The following CLK2 variants were observed in gnomAD, a reference collection of about 807,000 sequenced individuals.
CLK2 encodes the protein dual specificity protein kinase CLK2.
Under a neutral mutation model 73.5 loss-of-function variants are expected in CLK2, and 12 were observed. The ratio of observed to expected loss-of-function variants is 0.16; its 90% CI spans 0.10 to 0.26. The LOEUF is 0.26. CLK2 is among the 10% of genes least tolerant of loss of function. The pLI is 1.00. For missense variants in CLK2, 509 were observed against 688.4 expected (o/e 0.74, Z 2.92); for synonymous variants, 232 against 237.9 (o/e 0.98, Z 0.23).
At chr1:155,267,924 C>G in intron 6 of CLK2, 86 bp downstream of exon 6, 1 of 877,456 alleles carries the variant, frequency 1.1e-6, no homozygotes, top group East Asian at 2.4e-5. Flanking sequence ...CTAGGACTCC[C>G]CTGTCTGCCT....
intron 7 of CLK2, among the ~76,000 whole-genome samples, chr1:155,266,371 C>A (rs1673233168): frequency 6.6e-6 from 1 of 152,182 alleles, no homozygotes; most frequent in Non-Finnish European, 1.5e-5. Context: ...AACATCTCAT[C>A]CCAGACAAAT....
In CLK2 at chr1:155,268,271, G is replaced by T; in HGVS notation, c.554+22C>A. 1 of 1,612,270 alleles carries T rather than the reference G, an allele frequency of 6.2e-7. No individual in the cohort carries two copies. The highest frequency in any genetic ancestry group is 8.5e-7 in the Non-Finnish European group (1 of 1,178,272). On this transcript the variant is annotated intron_variant, in intron 5 of 12. Transcript: ENST00000368361. The surrounding 1 kb of genome is among the most constrained non-coding windows in gnomAD (Gnocchi z 5.6). ...CCAACCATCTCTTTAGCCCCACATA[G>T]TAGGGAGGGACTGACAGTTACCTGC...
intron 1 of CLK2, among the ~76,000 whole-genome samples, chr1:155,272,305 C>T (rs147554191): frequency 0.018 from 2,812 of 152,288 alleles, 77 homozygotes; most frequent in African/African-American, 0.065. Flanking sequence ...TGTGAGCCAC[C>T]GCGCCTGGCC....
chr1:155,270,909 C>G lies in CLK2; in HGVS notation c.69G>C (p.Arg23=), dbSNP rs1673468563. The change falls in exon 2 of 13, where the codon CGG becomes CGC. Residue 23 remains arginine (R), a synonymous_variant. Coordinates refer to ENST00000368361, the MANE Select transcript of CLK2 (RefSeq NM_001294338.2). The part of the protein sequence containing the change: ...GSRGSYREHY[R]SRKHKRRRSR... ...TTCTTCGTCGCTTATGCTTTCGGCT[C>G]CGATAGTGTTCACGGTAACTCCCCC... 1.2e-6 allele frequency: 2 copies of G among 1,614,060 alleles called. No individual in the cohort carries two copies. The highest frequency in any genetic ancestry group is 1.7e-5 in the Admixed American group (1 of 60,002).
At position 155,269,605 on chromosome 1, in the gene CLK2, G is replaced by A. The variant is rs1420256072; in HGVS notation, c.282C>T (p.Asp94=). ...GCTGATATTCATAGGAATGCCGATAGTCTGTGTCATAGTAGGCATCTCCCC... is the reference window on the plus strand; with the variant it reads ...GCTGATATTCATAGGAATGCCGATAATCTGTGTCATAGTAGGCATCTCCCC... The part of the protein sequence containing the change: ...RDRGDAYYDT[D]YRHSYEYQRE... The change falls in exon 3 of 13, where the codon GAC becomes GAT. Residue 94 remains aspartate (D), a synonymous_variant. Transcript: ENST00000368361. 3 of 1,614,252 alleles carry A rather than the reference G, an allele frequency of 1.9e-6. No homozygotes were observed. Among genetic ancestry groups the A allele is most frequent in the African/African-American group, 2.7e-5 (2 of 75,062 alleles).
intron 7 of CLK2, among the ~76,000 whole-genome samples, chr1:155,266,282 G>T (rs1424290888): frequency 6.6e-6 from 1 of 152,186 alleles, no homozygotes; most frequent in Non-Finnish European, 1.5e-5. Flanking sequence ...CCAGAGGAAT[G>T]ATATATTTCT....
chr1:155,270,831 G>A lies in CLK2; in HGVS notation c.147C>T (p.Asp49=). The A allele has an allele frequency of 6.2e-7, 1 of 1,611,710 alleles. No individual in the cohort carries two copies. Among genetic ancestry groups the A allele is most frequent in the Non-Finnish European group, 8.5e-7 (1 of 1,177,930 alleles). ...ACCTTCGAGAACGGACATGGTAGCT[G>A]TCCTCTCGCCGACGCCGTCGTGTCC... ...SDRTRRRRRE[D]SYHVRSRSSY... Residue 49 remains aspartate (D), a synonymous_variant, in exon 2 of 13, where the codon GAC becomes GAT. Transcript: ENST00000368361.
At position 155,266,895 on chromosome 1, in the gene CLK2, G is replaced by C. The variant is rs1344067937; in HGVS notation, c.672C>G (p.Asn224Lys). 5 of 1,612,608 alleles carry C rather than the reference G, an allele frequency of 3.1e-6. No individual in the cohort carries two copies. Among genetic ancestry groups the C allele is most frequent in the African/African-American group, 1.3e-5 (1 of 74,900 alleles). ...KINEKDPDNK[N>K]LCVQMFDWFD... ...ACCAGTCAAACATCTGGACACAGAGGCTGAGAAGAGAGATGGGGGAAGGGG... is the reference window on the plus strand; with the variant it reads ...ACCAGTCAAACATCTGGACACAGAGCCTGAGAAGAGAGATGGGGGAAGGGG... Residue 224 changes from asparagine (N) to lysine (K), a missense_variant and splice_region_variant, in exon 7 of 13, where the codon AAC (asparagine) becomes AAG (lysine). Coordinates refer to ENST00000368361, the MANE Select transcript of CLK2 (RefSeq NM_001294338.2).
At position 155,264,018 on chromosome 1, in the gene CLK2, C is replaced by T; in HGVS notation, c.1249G>A (p.Gly417Ser). ...KTRKQKYFYR[G>S]RLDWDENTSA... ...GTGTTCTCATCCCAATCCAGGCGAC[C>T]CCGGTAAAAATATTTCTGCTTTCTA... The change falls in exon 12 of 13, where the codon GGT becomes AGT. Residue 417 changes from glycine to serine, a missense_variant. Physicochemically the swap from Gly to Ser is moderately conservative, Grantham distance 56 (BLOSUM62 0). This residue lies in a region of CLK2 where 134 missense variants were observed against 146.0 expected (regional missense o/e 0.92). Coordinates refer to ENST00000368361, the MANE Select transcript of CLK2 (RefSeq NM_001294338.2). The T allele has an allele frequency of 5.6e-6, 9 of 1,613,992 alleles. No individual in the cohort carries two copies. The highest frequency in any genetic ancestry group is 1.1e-5 in the South Asian group (1 of 91,068).
rs763277877 is a variant in CLK2, at chr1:155,266,774, G to A, written c.793C>T (p.His265Tyr). Residue 265 changes from histidine (H) to tyrosine (Y), a missense_variant, in exon 7 of 13, where the codon CAC (histidine) becomes TAC (tyrosine). By Grantham distance (83) the His-to-Tyr change is moderately conservative (BLOSUM62 2). Coordinates refer to ENST00000368361, the MANE Select transcript of CLK2 (RefSeq NM_001294338.2). ...TGGAAGGCCATGTGGCGCACTTGGT[G>A]GATGGGGTAGGGCAGGTAGTTGTTG... The part of the protein sequence containing the change: ...KDNNYLPYPI[H>Y]QVRHMAFQLC... The A allele has an allele frequency of 3.1e-6, 5 of 1,613,548 alleles. No homozygotes were observed. Among genetic ancestry groups the A allele is most frequent in the Non-Finnish European group, 4.2e-6 (5 of 1,179,796 alleles).
At chr1:155,265,605 A>ATAAATAAATAAG (rs1553224450) in intron 8 of CLK2, among the ~76,000 whole-genome samples, 5 of 151,916 alleles carry the variant, frequency 3.3e-5, no homozygotes, top group African/African-American at 1.2e-4. Flanking sequence ...AAATAAATAA[A>ATAAATAAATAAG]GTCCAAACCA....
At chr1:155,264,086 A>G (rs1161093860) in intron 11 of CLK2, 46 bp from the exon 12 acceptor site, 2 of 1,576,770 alleles carry the variant, frequency 1.3e-6, no homozygotes, top group Admixed American at 1.7e-5. Flanking sequence ...CACCCTTGTT[A>G]CAATTCCCTT....
At chr1:155,271,116 T>C in intron 1 of CLK2, 139 bp from the exon 2 acceptor site, 1 of 841,120 alleles carries the variant, frequency 1.2e-6, no homozygotes, top group Non-Finnish European at 1.9e-6. Context: ...TTCCTCAGTC[T>C]TCCTCTGTAC....
At chr1:155,263,786 C>T (rs1360550885) in intron 12 of CLK2, 164 bp downstream of exon 12, 2 of 918,886 alleles carry the variant, frequency 2.2e-6, no homozygotes, top group Non-Finnish European at 2.6e-6. Flanking sequence ...TCCACAAAAC[C>T]ACTCCCTCTT....
chr1:155,268,427 GA>G lies in CLK2; in HGVS notation c.488-69del. ...AGGTGGGGAATGAGCTGAGTTGGAA[GA>G]AAAAAGGGGACAGCAACCTGGGGTG... On this transcript the variant is annotated intron_variant, in intron 4 of 12. Coordinates refer to ENST00000368361, the MANE Select transcript of CLK2 (RefSeq NM_001294338.2). This position sits in a 1 kb window ranked among gnomAD's most constrained non-coding sequence, Gnocchi z 5.6. The G allele has an allele frequency of 4.6e-6, 6 of 1,313,206 alleles. No homozygotes were observed. The South Asian group carries it at 4.8e-5, about 10-fold the overall frequency. The allele number at this position is 1,313,206 out of a possible 1,614,324, so 81.3% of individuals were successfully genotyped here. A position where few individuals can be genotyped will look rare whatever the true frequency, so the allele number is the denominator to read the frequency against.
chr1:155,270,990 G>C lies in CLK2; in HGVS notation c.1-13C>G. 2 of 1,601,292 alleles carry C rather than the reference G, an allele frequency of 1.2e-6. No individual in the cohort carries two copies. The highest frequency in any genetic ancestry group is 1.7e-6 in the Non-Finnish European group (2 of 1,169,176). ...GAGGATGCGGCATCTGGAAGGCAAG[G>C]GAAAGCGGAAATAGGAAAGTTTCGA... On this transcript the variant is annotated splice_polypyrimidine_tract_variant and intron_variant, in intron 1 of 12. Coordinates refer to ENST00000368361, the MANE Select transcript of CLK2 (RefSeq NM_001294338.2).
chr1:155,263,466 CT>C, intron 12 of CLK2, 66 bp from the exon 13 acceptor site: 1 of 1,575,940 alleles, frequency 6.3e-7, no homozygotes, highest in Non-Finnish European at 8.6e-7. Flanking sequence ...CTTCAAGACC[CT>C]ACCTTTCATT....
intron 1 of CLK2, among the ~76,000 whole-genome samples, chr1:155,272,841 T>C (rs1377433005): frequency 6.6e-6 from 1 of 152,142 alleles, no homozygotes; most frequent in Non-Finnish European, 1.5e-5. Flanking sequence ...AATCCAGAAC[T>C]CCTACAGGCA....
chr1:155,269,023 G>C (rs961266411), intron 3 of CLK2: 4 of 608,698 alleles, frequency 6.6e-6, no homozygotes, highest in African/African-American at 5.5e-5. Context: ...GGAACAGGGA[G>C]AGGCATGGGC....
Sources: gnomAD v4.1 joint callset for allele counts (sites outside exome capture counted in the v4.1 genomes callset) on GRCh38, gnomAD v4.1.1 for gene constraint, gnomAD v4.1.1 regional missense constraint, Gnocchi (gnomAD v3.1) non-coding constraint, MANE v1.5 for transcripts, NCBI Gene and HGNC (gene_info 2026-07-23, HGNC 2026-07-21) for gene names.